ANO1: variants seen among roughly 807,000 people sequenced by gnomAD.
ANO1 encodes anoctamin 1.
Under a neutral mutation model 124.0 loss-of-function variants are expected in ANO1, and 59 were observed. That is an observed-to-expected ratio of 0.48 (90% CI 0.39 to 0.59). The LOEUF is 0.59. ANO1 is among the 20% of genes least tolerant of loss of function. The pLI is 0.00. For synonymous variants in ANO1, 529 were observed against 532.0 expected (o/e 0.99, Z 0.08); for missense variants, 1,059 against 1,328.0 (o/e 0.80, Z 3.15).
chr11:69,978,414 G>A, the ANO1 span, among the ~76,000 whole-genome samples: 1 of 152,142 alleles, frequency 6.6e-6, no homozygotes, highest in South Asian at 2.1e-4. Context: ...GCAGTGGCAC[G>A]ATCTTGGCTC....
chr11:70,021,582 C>G (rs1389745324), intron 1 of ANO1, among the ~76,000 whole-genome samples: 1 of 152,082 alleles, frequency 6.6e-6, no homozygotes, highest in African/African-American at 2.4e-5. Flanking sequence ...TCCCCCGGAA[C>G]CTGGTCCATT....
chr11:70,150,253 G>A (rs2047552818), intron 12 of ANO1, among the ~76,000 whole-genome samples: 1 of 152,226 alleles, frequency 6.6e-6, no homozygotes, highest in Non-Finnish European at 1.5e-5. Context: ...GCAGCTGGGC[G>A]TGGCTGACAA....
chr11:70,083,942 A>G (rs957030475), intron 1 of ANO1, among the ~76,000 whole-genome samples: 6 of 152,196 alleles, frequency 3.9e-5, no homozygotes, highest in Non-Finnish European at 7.3e-5. Flanking sequence ...CAGATCCCAG[A>G]GGATGCTGGA....
chr11:70,039,997 T>C lies in ANO1; in HGVS notation c.59-38545T>C, dbSNP rs1857157709. On this transcript the variant is annotated intron_variant, in intron 1 of 27. Transcript: ENST00000531349. ...GTAGCAGAGCAAATCGATCAGTTTT[T>C]AGGTCCCCAACTATATTCCTGGACC... Among the ~76,000 whole-genome samples, 4 of 152,282 alleles carry C rather than the reference T, an allele frequency of 2.6e-5. No individual in the cohort carries two copies. In the South Asian group the frequency reaches 6.2e-4, roughly 24 times the overall value.
chr11:70,053,953 C>A (rs913770159), intron 1 of ANO1, among the ~76,000 whole-genome samples: 4 of 152,174 alleles, frequency 2.6e-5, no homozygotes, highest in Non-Finnish European at 5.9e-5. Context: ...CTAGATTTTC[C>A]AATGTATTTG....
intron 1 of ANO1, among the ~76,000 whole-genome samples, chr11:70,036,465 G>T (rs1366860738): frequency 2.0e-5 from 3 of 152,084 alleles, no homozygotes; most frequent in Non-Finnish European, 4.4e-5. Context: ...AGTTTTCTGG[G>T]GTACTGCTCA....
At chr11:70,090,444 T>C (rs1468589982) in intron 2 of ANO1, among the ~76,000 whole-genome samples, 2 of 152,206 alleles carry the variant, frequency 1.3e-5, no homozygotes. Flanking sequence ...CTTATCCTGA[T>C]GGAAAAGCTA....
intron 1 of ANO1, among the ~76,000 whole-genome samples, chr11:69,989,600 C>A (rs782262133): frequency 6.6e-6 from 1 of 152,098 alleles, no homozygotes; most frequent in African/African-American, 2.4e-5. Flanking sequence ...ACACTCCCCA[C>A]CCCCTCCCCA....
chr11:70,066,874 T>C (rs1342620961), intron 1 of ANO1, among the ~76,000 whole-genome samples: 1 of 152,064 alleles, frequency 6.6e-6, no homozygotes, highest in East Asian at 1.9e-4. Context: ...GCCAGGCCCA[T>C]GGATGCTGCT....
chr11:70,036,756 C>T (rs564214025), intron 1 of ANO1, among the ~76,000 whole-genome samples: 8 of 152,236 alleles, frequency 5.3e-5, no homozygotes, highest in East Asian at 3.9e-4. Context: ...TATAGGCACC[C>T]GCCACCACAC....
intron 1 of ANO1, 36 bp downstream of exon 1, chr11:70,078,750 C>T (rs759188840): frequency 6.7e-6 from 9 of 1,353,314 alleles, no homozygotes; most frequent in Admixed American, 2.6e-5. Context: ...GCGGGAGGGC[C>T]GCGCACCTGC....
At chr11:70,006,381 A>G (rs1555000029) in intron 1 of ANO1, among the ~76,000 whole-genome samples, 1 of 151,964 alleles carries the variant, frequency 6.6e-6, no homozygotes, top group African/African-American at 2.4e-5. Context: ...CCAGCCCTGT[A>G]AGCAAATTTG....
chr11:70,140,980 C>G (rs1176932235), intron 11 of ANO1, among the ~76,000 whole-genome samples: 1 of 152,150 alleles, frequency 6.6e-6, no homozygotes, highest in African/African-American at 2.4e-5. Flanking sequence ...GTTGGAATGC[C>G]TCTGATAGAA....
intron 1 of ANO1, among the ~76,000 whole-genome samples, chr11:69,992,000 T>C (rs1323810100): frequency 6.6e-6 from 1 of 152,212 alleles, no homozygotes; most frequent in Non-Finnish European, 1.5e-5. Context: ...TGGGTCTCAG[T>C]TAATTTCGTC....
At chr11:70,074,082 G>T (rs1485876962), upstream of ANO1, among the ~76,000 whole-genome samples, 2 of 152,156 alleles carry the variant, frequency 1.3e-5, no homozygotes, top group African/African-American at 4.8e-5. Context: ...TTGCTTTTAG[G>T]AGGTGATATC....
intron 2 of ANO1, among the ~76,000 whole-genome samples, chr11:70,097,708 G>A (rs1045245798): frequency 2.6e-5 from 4 of 152,186 alleles, no homozygotes; most frequent in Non-Finnish European, 4.4e-5. Context: ...GAGAGAAGGC[G>A]GATGGTAGTC....
chr11:69,996,377 G>C (rs1856272056), intron 1 of ANO1, among the ~76,000 whole-genome samples: 1 of 152,320 alleles, frequency 6.6e-6, no homozygotes, highest in South Asian at 2.1e-4. Flanking sequence ...ATCTCTGCAG[G>C]TGGTTAGAAG....
At chr11:70,161,414 G>A (rs1432342730) in intron 17 of ANO1, 52 bp downstream of exon 17, 17 of 1,579,426 alleles carry the variant, frequency 1.1e-5, no homozygotes, top group Middle Eastern at 1.7e-4. Context: ...AGCTGGAGTC[G>A]CCTGCCTCTT....
intron 1 of ANO1, among the ~76,000 whole-genome samples, chr11:70,027,493 C>T (rs896597795): frequency 2.6e-5 from 4 of 152,208 alleles, no homozygotes; most frequent in African/African-American, 4.8e-5. Flanking sequence ...TAATCCTCAG[C>T]GGAACTACCG....
Sources: gnomAD v4.1 joint callset for allele counts (sites outside exome capture counted in the v4.1 genomes callset) on GRCh38, gnomAD v4.1.1 for gene constraint, MANE v1.5 for transcripts, NCBI Gene and HGNC (gene_info 2026-07-23, HGNC 2026-07-21) for gene names.